RPTOR: variants seen among roughly 807,000 people sequenced by gnomAD.
RPTOR encodes the protein regulatory-associated protein of mTOR.
RPTOR carries 21 observed loss-of-function variants against 169.9 expected under a neutral mutation model. The ratio of observed to expected loss-of-function variants is 0.12; its 90% CI spans 0.09 to 0.18. The LOEUF is 0.18. Ranked by LOEUF, RPTOR falls within the 10% of genes least tolerant of loss-of-function variation. RPTOR has a pLI of 1.00. For missense variants in RPTOR, 1,133 were observed against 1,855.9 expected (o/e 0.61, Z 7.16); for synonymous variants, 732 against 753.2 (o/e 0.97, Z 0.46).
At chr17:80,841,684 C>G (rs1179560977) in intron 10 of RPTOR, among the ~76,000 whole-genome samples, 1 of 137,612 alleles carries the variant, frequency 7.3e-6, no homozygotes, top group Non-Finnish European at 1.5e-5. Context: ...TCACACTCAC[C>G]GCACGGCATC....
intron 8 of RPTOR, among the ~76,000 whole-genome samples, 172 bp from the exon 9 acceptor site, chr17:80,822,905 GTA>G (rs1219606119): frequency 1.3e-5 from 2 of 152,148 alleles, no homozygotes; most frequent in Non-Finnish European, 2.9e-5. Flanking sequence ...GCACGTGTGT[GTA>G]TGTTTAAGTG....
At chr17:80,727,195 G>A (rs574014523) in intron 4 of RPTOR, among the ~76,000 whole-genome samples, 16 of 148,952 alleles carry the variant, frequency 1.1e-4, no homozygotes, top group African/African-American at 3.2e-4. Context: ...GTCACGCCCC[G>A]AGAACGTGGA....
chr17:80,770,153 A>T (rs1284703398), intron 6 of RPTOR, among the ~76,000 whole-genome samples: 1 of 152,000 alleles, frequency 6.6e-6, no homozygotes, highest in African/African-American at 2.4e-5. Flanking sequence ...TCCTGGGAGG[A>T]CTGCTGCATC....
intron 1 of RPTOR, among the ~76,000 whole-genome samples, chr17:80,598,834 G>C (rs959111736): frequency 1.3e-5 from 2 of 152,188 alleles, no homozygotes; most frequent in Non-Finnish European, 2.9e-5. Flanking sequence ...CTGTTCAGAC[G>C]CTAGAAAAGG....
At position 80,635,293 on chromosome 17, in the gene RPTOR, C is replaced by T. The variant is rs190833255; in HGVS notation, c.266-8435C>T. 2.3e-3 allele frequency among the ~76,000 whole-genome samples: 354 copies of T among 152,358 alleles called. 1 individual carries two copies. Among genetic ancestry groups the T allele is most frequent in the African/African-American group, 8.3e-3 (344 of 41,592 alleles). On this transcript the variant is annotated intron_variant, in intron 2 of 33. Transcript: ENST00000306801. ...CCTCTGCACGGGCTCAGGGCCCAGTCAGACTTGAGAGCTCATTCCAGGCCA... is the reference window on the plus strand; with the variant it reads ...CCTCTGCACGGGCTCAGGGCCCAGTTAGACTTGAGAGCTCATTCCAGGCCA...
chr17:80,890,339 G>A (rs2068304978), intron 17 of RPTOR, among the ~76,000 whole-genome samples: 1 of 152,264 alleles, frequency 6.6e-6, no homozygotes, highest in South Asian at 2.1e-4. Context: ...AAGGGGCCCA[G>A]TGGGTGTTCG....
chr17:80,943,232 G>A (rs2069055757), intron 25 of RPTOR, among the ~76,000 whole-genome samples: 1 of 152,228 alleles, frequency 6.6e-6, no homozygotes, highest in Admixed American at 6.5e-5. Flanking sequence ...CTTTGGCTGT[G>A]CTTAAGCCCA....
At chr17:80,696,220 G>A (rs1295909333) in intron 3 of RPTOR, among the ~76,000 whole-genome samples, 3 of 152,158 alleles carry the variant, frequency 2.0e-5, no homozygotes, top group Non-Finnish European at 2.9e-5. Flanking sequence ...ATTTTGGAGG[G>A]GGAGGAAACC....
At chr17:80,951,464 G>T (rs1169897812) in intron 28 of RPTOR, among the ~76,000 whole-genome samples, 1 of 152,232 alleles carries the variant, frequency 6.6e-6, no homozygotes, top group Non-Finnish European at 1.5e-5. Flanking sequence ...CACTGCGGGG[G>T]AAGGCAGCAG....
intron 9 of RPTOR, among the ~76,000 whole-genome samples, chr17:80,829,866 CAAT>C (rs1442266852): frequency 1.3e-5 from 2 of 152,170 alleles, no homozygotes; most frequent in African/African-American, 2.4e-5. Context: ...GTACAGAAAT[CAAT>C]GATGATGTGA....
intron 13 of RPTOR, among the ~76,000 whole-genome samples, chr17:80,866,390 G>A (rs1472454229): frequency 6.6e-6 from 1 of 152,186 alleles, no homozygotes; most frequent in Non-Finnish European, 1.5e-5. Flanking sequence ...TCCACCTGAA[G>A]AGGGCAGCGT....
chr17:80,763,253 A>AAAT (rs1191034832), intron 6 of RPTOR, among the ~76,000 whole-genome samples: 1 of 152,118 alleles, frequency 6.6e-6, no homozygotes, highest in Non-Finnish European at 1.5e-5. Flanking sequence ...CTCTAAAAAA[A>AAAT]AATAATAATA....
In RPTOR at chr17:80,638,473, C is replaced by T. The variant is rs1303735808; in HGVS notation, c.266-5255C>T. Among the ~76,000 whole-genome samples, 4 of 139,326 alleles carry T rather than the reference C, an allele frequency of 2.9e-5. No homozygotes were observed. In the South Asian group the frequency reaches 8.8e-4, roughly 31 times the overall value. The allele number at this position is 139,326 out of a possible 152,430, so 91.4% of individuals were successfully genotyped here. On this transcript the variant is annotated intron_variant, in intron 2 of 33. Transcript: ENST00000306801. ...CTGGAGTGCAGTGGTGTGATCATGG[C>T]TCACTGTAGCCTCTACCTCCTGGAC...
chr17:80,610,657 C>A (rs2065263823), intron 1 of RPTOR, among the ~76,000 whole-genome samples: 1 of 152,108 alleles, frequency 6.6e-6, no homozygotes, highest in African/African-American at 2.4e-5. Context: ...TGATGTGATC[C>A]TTCAGCTGAA....
intron 5 of RPTOR, among the ~76,000 whole-genome samples, chr17:80,736,806 T>C (rs1429730537): frequency 6.6e-6 from 1 of 152,244 alleles, no homozygotes; most frequent in East Asian, 1.9e-4. Context: ...CACTGTTTCC[T>C]AAATTGGAAT....
intron 1 of RPTOR, among the ~76,000 whole-genome samples, chr17:80,599,116 G>A (rs1356913574): frequency 1.3e-5 from 2 of 152,132 alleles, no homozygotes; most frequent in African/African-American, 4.8e-5. Context: ...CTGCCATTGT[G>A]AGTAGGGTCC....
At chr17:80,581,600 G>A (rs1481861239) in intron 1 of RPTOR, among the ~76,000 whole-genome samples, 1 of 148,086 alleles carries the variant, frequency 6.8e-6, no homozygotes. Context: ...GCCAGTGCAT[G>A]CCTGCTATTC....
At chr17:80,589,595 A>G (rs1293215221) in intron 1 of RPTOR, among the ~76,000 whole-genome samples, 1 of 152,152 alleles carries the variant, frequency 6.6e-6, no homozygotes, top group Non-Finnish European at 1.5e-5. Context: ...CTAATTTTTC[A>G]TGTAGAAGTT....
intron 9 of RPTOR, among the ~76,000 whole-genome samples, chr17:80,834,515 T>C (rs1288982123): frequency 6.6e-6 from 1 of 152,118 alleles, no homozygotes; most frequent in Non-Finnish European, 1.5e-5. Flanking sequence ...GGGGCTGCTT[T>C]TCTGGTCTGA....
Sources: gnomAD v4.1 joint callset for allele counts (sites outside exome capture counted in the v4.1 genomes callset) on GRCh38, gnomAD v4.1.1 for gene constraint, MANE v1.5 for transcripts, NCBI Gene and HGNC (gene_info 2026-07-23, HGNC 2026-07-21) for gene names.